Variants in DNAJC11 observed in about 807,000 individuals in gnomAD.
DNAJC11 encodes dnaJ homolog subfamily C member 11.
In DNAJC11, 15 loss-of-function variants were observed where a neutral mutation model predicts 78.6. The ratio of observed to expected loss-of-function variants is 0.19; its 90% confidence interval spans 0.13 to 0.29. The LOEUF (loss-of-function observed/expected upper bound fraction) is 0.29, where lower values mean the gene tolerates loss of function less well. Among genes scored for constraint, DNAJC11 ranks in the 10% least tolerant of loss-of-function variants. The pLI is 1.00. For synonymous variants in DNAJC11, 292 were observed against 272.1 expected, an observed-to-expected ratio of 1.07 and a Z score of -0.72; for missense variants, 547 against 709.6, an observed-to-expected ratio of 0.77 and a Z score of 2.60.
intron 3 of DNAJC11, 173 bp from the exon 4 acceptor site, chr1:6,667,983 T>C (rs1013657356): frequency 5.7e-5 from 36 of 629,450 alleles, no homozygotes; most frequent in Admixed American, 2.4e-4. Context: ...GGCTCAGGCC[T>C]GGGTGAGGGA....
At position 6,634,222 on chromosome 1, in the gene DNAJC11, A is replaced by G. The variant is rs2148723870; in HGVS notation, c.*1453T>C. The G allele has an allele frequency of 1.1e-6, 1 of 940,958 alleles. No homozygotes were observed. Among genetic ancestry groups the G allele is most frequent in the Non-Finnish European group, 1.6e-6 (1 of 627,122 alleles). The allele number at this position is 940,958 out of a possible 1,614,324, so 58.3% of individuals were successfully genotyped here. On this transcript the variant is annotated 3_prime_UTR_variant, in exon 16 of 16. Coordinates refer to ENST00000377577, the MANE Select transcript of DNAJC11 (RefSeq NM_018198.4). ...AGTGCCTTCTGTACAGTCGACTGCA[A>G]ATGAAACGCAGAGGATGGGTGCCCA...
chr1:6,662,267 C>T (rs1642228084), intron 4 of DNAJC11, among the ~76,000 whole-genome samples: 1 of 151,718 alleles, frequency 6.6e-6, no homozygotes, highest in Middle Eastern at 3.4e-3. Context: ...GATCTCGGCT[C>T]ACTGCAACCC....
intron 1 of DNAJC11, among the ~76,000 whole-genome samples, chr1:6,697,984 G>A (rs1642864725): frequency 6.6e-6 from 1 of 152,076 alleles, no homozygotes; most frequent in South Asian, 2.1e-4. Flanking sequence ...TACAGACGGG[G>A]TTTCACCGTG....
intron 3 of DNAJC11, among the ~76,000 whole-genome samples, chr1:6,670,102 C>T (rs547749910): frequency 1.4e-4 from 21 of 151,984 alleles, no homozygotes; most frequent in Admixed American, 2.6e-4. Context: ...AACAGGTGTG[C>T]GGCACCACGC....
chr1:6,678,049 A>C (rs547243490), intron 3 of DNAJC11, among the ~76,000 whole-genome samples: 3 of 152,292 alleles, frequency 2.0e-5, no homozygotes, highest in Admixed American at 6.5e-5. Context: ...TGGAGACAGA[A>C]CTGCACCCTT....
intron 1 of DNAJC11, among the ~76,000 whole-genome samples, chr1:6,695,954 A>G (rs998740890): frequency 6.6e-6 from 1 of 152,232 alleles, no homozygotes; most frequent in African/African-American, 2.4e-5. Flanking sequence ...ATTGTTAACT[A>G]AGAAGTACTG....
chr1:6,645,170 A>G lies in DNAJC11; in HGVS notation c.895-44T>C. The G allele has an allele frequency of 6.7e-7, 1 of 1,501,914 alleles. No homozygotes were observed. The highest frequency in any genetic ancestry group is 9.3e-7 in the Non-Finnish European group (1 of 1,080,860). The allele number at this position is 1,501,914 out of a possible 1,614,324, so 93.0% of individuals were successfully genotyped here. A position where few individuals can be genotyped will look rare whatever the true frequency, so the allele number is the denominator to read the frequency against. On this transcript the variant is annotated intron_variant, in intron 8 of 15. Transcript: ENST00000377577. This position sits in a 1 kb window ranked among gnomAD's most constrained non-coding sequence, Gnocchi z 4.1. ...CAAGGATGCGTGGCTAGGGCGTGTG[A>G]CTCTGTGGGGAGATGGGTATCTGCC... is the stretch of plus-strand genomic sequence containing the variant.
chr1:6,664,894 A>C (rs552362973), intron 4 of DNAJC11, among the ~76,000 whole-genome samples: 1 of 152,208 alleles, frequency 6.6e-6, no homozygotes, highest in South Asian at 2.1e-4. Context: ...TGGTAGATAC[A>C]TCAATCTACT....
rs747838075 is a variant in DNAJC11 at position 6,651,515 on chromosome 1, T to C, written c.704+14A>G. The C allele has an allele frequency of 6.2e-7, 1 of 1,611,956 alleles. No homozygotes were observed. Among genetic ancestry groups the C allele is most frequent in the Admixed American group, 1.7e-5 (1 of 59,962 alleles). On this transcript the variant is annotated intron_variant, in intron 7 of 15. Transcript: ENST00000377577. ...AAAGACCACCAAAGAGGAGCTGCTG[T>C]CTCTCATATTTACCATCTTGGTGTG...
At chr1:6,637,103 G>A in intron 14 of DNAJC11, 95 bp downstream of exon 14, 8 of 1,521,940 alleles carry the variant, frequency 5.3e-6, no homozygotes, top group Non-Finnish European at 7.1e-6. Flanking sequence ...GCCCACCTTG[G>A]CCTTCCAAAG....
Position 6,634,695 on chromosome 1 carries a change from A to G in DNAJC11, c.*980T>C. 7.3e-7 allele frequency: 1 copy of G among 1,365,894 alleles called. No homozygotes were observed. The highest frequency in any genetic ancestry group is 9.8e-7 in the Non-Finnish European group (1 of 1,021,656). The allele number at this position is 1,365,894 out of a possible 1,614,324, so 84.6% of individuals were successfully genotyped here. On this transcript the variant is annotated 3_prime_UTR_variant, in exon 16 of 16. Transcript: ENST00000377577. ...TTCTGCATCCCAAGTGGGCACGTGG[A>G]GGAAGGGTCTGAAGGAAGGCTCCGG...
intron 2 of DNAJC11, among the ~76,000 whole-genome samples, chr1:6,679,632 A>C (rs1230150706): frequency 6.6e-6 from 1 of 152,246 alleles, no homozygotes; most frequent in Non-Finnish European, 1.5e-5. Context: ...GCCCCTGGAA[A>C]ACACAGGAGC....
At chr1:6,636,806 G>A (rs972585826) in intron 14 of DNAJC11, among the ~76,000 whole-genome samples, 5 of 152,106 alleles carry the variant, frequency 3.3e-5, no homozygotes, top group Non-Finnish European at 5.9e-5. Flanking sequence ...CACTTTAAGG[G>A]GCCAGGCTGT....
chr1:6,644,441 T>C lies in DNAJC11; in HGVS notation c.1097+117A>G. 6 of 819,508 alleles carry C rather than the reference T, an allele frequency of 7.3e-6. 1 individual carries two copies. The highest frequency in any genetic ancestry group is 1.2e-5 in the Non-Finnish European group (6 of 481,232). The allele number at this position is 819,508 out of a possible 1,614,324, so 50.8% of individuals were successfully genotyped here. On this transcript the variant is annotated intron_variant, in intron 10 of 15. Coordinates refer to ENST00000377577, the MANE Select transcript of DNAJC11 (RefSeq NM_018198.4). ...AAGCCACTGCACCTAGCCAAGCAACTGTGTCTTTAAGAACAAAATTACAAT... is the reference window on the plus strand; with the variant it reads ...AAGCCACTGCACCTAGCCAAGCAACCGTGTCTTTAAGAACAAAATTACAAT...
At chr1:6,643,361 T>C (rs1024020767) in intron 10 of DNAJC11, among the ~76,000 whole-genome samples, 16 of 150,806 alleles carry the variant, frequency 1.1e-4, no homozygotes, top group South Asian at 2.1e-4. Context: ...CTGCAAGCTC[T>C]GCCTCCCGGG....
chr1:6,673,376 G>A (rs1478022995), intron 3 of DNAJC11, among the ~76,000 whole-genome samples: 1 of 151,802 alleles, frequency 6.6e-6, no homozygotes, highest in African/African-American at 2.4e-5. Context: ...AATGGAAGGA[G>A]GACAGACAGG....
At chr1:6,637,169 A>T (rs1401491095) in intron 14 of DNAJC11, 29 bp downstream of exon 14, 9 of 1,613,664 alleles carry the variant, frequency 5.6e-6, no homozygotes, top group Non-Finnish European at 7.6e-6. Flanking sequence ...CTGTGAGCAC[A>T]TAGCATGTGG....
Position 6,667,714 on chromosome 1 carries a change from G to T in DNAJC11, c.373C>A (p.Pro125Thr), listed in dbSNP as rs753160691. The T allele has an allele frequency of 2.5e-6, 4 of 1,614,072 alleles. No individual in the cohort carries two copies. Among genetic ancestry groups the T allele is most frequent in the Non-Finnish European group, 3.4e-6 (4 of 1,179,984 alleles). Residue 125 changes from proline to threonine, a missense_variant, in exon 4 of 16, where the codon CCC (proline) becomes ACC (threonine). Transcript: ENST00000377577. ...EERRLQQRTN[P>T]KGTISVGVDA... is the part of the protein sequence containing the mutation. ...AAACGTGGCCCCTGGCTTACCTTGGGATTGGTTCGCTGCTGCAATCTCCTC... is the reference window on the plus strand; with the variant it reads ...AAACGTGGCCCCTGGCTTACCTTGGTATTGGTTCGCTGCTGCAATCTCCTC...
At chr1:6,641,785 C>T (rs778318461) in intron 10 of DNAJC11, among the ~76,000 whole-genome samples, 4 of 152,174 alleles carry the variant, frequency 2.6e-5, no homozygotes, top group Non-Finnish European at 2.9e-5. Flanking sequence ...TTGATTCACT[C>T]ACTGAGTTCC....
Sources: allele counts gnomAD v4.1 joint callset (sites outside exome capture counted in the v4.1 genomes callset), GRCh38; gene constraint gnomAD v4.1.1; non-coding constraint Gnocchi (gnomAD v3.1); transcripts MANE v1.5; gene names NCBI Gene and HGNC (gene_info 2026-07-23, HGNC 2026-07-21).